The following SLC18A1 variants were observed in gnomAD, a reference collection of about 807,000 sequenced individuals.
SLC18A1 encodes the protein solute carrier family 18 member A1, also known as chromaffin granule amine transporter.
In SLC18A1, 69 loss-of-function variants were observed where a neutral mutation model predicts 53.7. That is an observed-to-expected ratio of 1.28 (90% CI 1.06 to 1.57). SLC18A1 has a LOEUF of 1.57. SLC18A1 is among the 40% of genes most tolerant of loss of function. SLC18A1 has a pLI of 0.00. For synonymous variants in SLC18A1, 320 were observed against 248.1 expected (o/e 1.29, Z -2.72); for missense variants, 932 against 668.1 (o/e 1.40, Z -4.35).
At position 20,164,875 on chromosome 8, in the gene SLC18A1, G is replaced by T; in HGVS notation, c.1009C>A (p.Gln337Lys). 6.2e-7 allele frequency: 1 copy of T among 1,608,022 alleles called. No homozygotes were observed. Among genetic ancestry groups the T allele is most frequent in the Non-Finnish European group, 8.5e-7 (1 of 1,175,280 alleles). ...GGGTGCTGAGGTCACTTACCCAGCT[G>T]CCACTTGGGGGAGCACATGGTCTGC... The part of the protein sequence containing the change: ...MMQTMCSPKW[Q>K]LGLAFLPASV... Residue 337 changes from glutamine (Q) to lysine (K), a missense_variant, in exon 10 of 16, where the codon CAG becomes AAG. Gln to Lys is a moderately conservative substitution (Grantham distance 53, BLOSUM62 1). Coordinates refer to ENST00000276373, the MANE Select transcript of SLC18A1 (RefSeq NM_003053.4).
chr8:20,166,320 TATATATATATAC>T (rs1190983698), intron 8 of SLC18A1, among the ~76,000 whole-genome samples: 2,480 of 100,006 alleles, frequency 0.025, 138 homozygotes, highest in African/African-American at 0.075. Context: ...TATATATATA[TATATATATATAC>T]ACCACCAGGT....
rs536071105 is a variant in SLC18A1 at position 20,166,018 on chromosome 8, G to A, written c.859-911C>T. On this transcript the variant is annotated intron_variant, in intron 8 of 15. Coordinates refer to ENST00000276373, the MANE Select transcript of SLC18A1 (RefSeq NM_003053.4). ...GATCCTAAAACTAAAGAGATCATTC[G>A]CTTACCCAATTATTATTCGAAGTAA... 1.6e-4 allele frequency among the ~76,000 whole-genome samples: 24 copies of A among 151,988 alleles called. No homozygotes were observed. The South Asian group carries it at 4.8e-3, about 30-fold the overall frequency.
intron 4 of SLC18A1, chr8:20,175,596 C>T (rs58116035): frequency 0.28 from 42,222 of 151,998 alleles, 6,910 homozygotes; most frequent in Non-Finnish European, 0.37. Flanking sequence ...ATTCAGGGTC[C>T]CTGACTTCCC....
chr8:20,179,894 T>G (rs1370749044), intron 2 of SLC18A1, among the ~76,000 whole-genome samples: 3 of 152,060 alleles, frequency 2.0e-5, no homozygotes, highest in Non-Finnish European at 4.4e-5. Context: ...TGTCCAGCTC[T>G]CACACAGACC....
At chr8:20,164,418 T>C (rs927437266) in intron 10 of SLC18A1, among the ~76,000 whole-genome samples, 1 of 152,148 alleles carries the variant, frequency 6.6e-6, no homozygotes, top group East Asian at 1.9e-4. Flanking sequence ...ATGGTAATGG[T>C]GCACATTAAT....
In SLC18A1 at chr8:20,179,608, A is replaced by C. The variant is rs893324941; in HGVS notation, c.125-124T>G. On this transcript the variant is annotated intron_variant, in intron 2 of 15. Transcript: ENST00000276373. ...TCAAGGAGGACAGGTGATGGGGGCT[A>C]AGGACAGATGTCATCTTACCACTAC... 3.9e-6 allele frequency: 5 copies of C among 1,282,120 alleles called. No homozygotes were observed. The African/African-American group carries it at 7.4e-5, about 19-fold the overall frequency. 79.4% of individuals were successfully genotyped at this position (1,282,120 alleles called of 1,614,324 possible). A position where few individuals can be genotyped will look rare whatever the true frequency, so the allele number is the denominator to read the frequency against.
chr8:20,173,445 G>T (rs182774915), intron 5 of SLC18A1, among the ~76,000 whole-genome samples: 1 of 152,200 alleles, frequency 6.6e-6, no homozygotes, highest in African/African-American at 2.4e-5. Context: ...CCAAAATGAG[G>T]GGTTACAGAG....
At chr8:20,156,679 T>C (rs1450544718) in intron 10 of SLC18A1, among the ~76,000 whole-genome samples, 1 of 152,174 alleles carries the variant, frequency 6.6e-6, no homozygotes, top group East Asian at 1.9e-4. Context: ...GCACACAGGA[T>C]AAACAGGATC....
intron 1 of SLC18A1, among the ~76,000 whole-genome samples, chr8:20,181,473 A>G (rs968009949): frequency 3.9e-5 from 6 of 152,046 alleles, no homozygotes; most frequent in Non-Finnish European, 8.8e-5. Flanking sequence ...ACTGCCAGGT[A>G]TGGTGGGATG....
chr8:20,179,409 C>A lies in SLC18A1; in HGVS notation c.200G>T (p.Gly67Val), dbSNP rs775810295. Reference sequence around the variant, plus strand: ...AGAGGCGAGGGCATGTGGGGAACTTCCGGCATGGCCGAGGTGCAGAGAAGA... The same window carrying A: ...AGAGGCGAGGGCATGTGGGGAACTTACGGCATGGCCGAGGTGCAGAGAAGA... ...VNSSLHLGHAGSSPHALASPA... is the reference protein window; with the variant it reads ...VNSSLHLGHAVSSPHALASPA... Residue 67 changes from glycine to valine, a missense_variant, in exon 3 of 16, where the codon GGA becomes GTA. By Grantham distance (109) the Gly-to-Val change is moderately radical. Transcript: ENST00000276373. 49 of 1,613,930 alleles carry A rather than the reference C, an allele frequency of 3.0e-5. No homozygotes were observed. The highest frequency in any genetic ancestry group is 4.1e-5 in the Non-Finnish European group (48 of 1,180,038).
chr8:20,147,461 C>G (rs2071430156), intron 14 of SLC18A1, 70 bp from the exon 15 acceptor site: 1 of 1,578,590 alleles, frequency 6.3e-7, no homozygotes, highest in Admixed American at 1.7e-5. Context: ...ACGTAGGACA[C>G]TATGCTAGGG....
Position 20,164,941 on chromosome 8 carries a change from C to G in SLC18A1, c.943G>C (p.Gly315Arg). ...AAGSICFANM[G>R]VAILEPTLPI... Reference sequence around the variant, plus strand: ...AGTGTGGGCTCCAGGATGGCCACCCCCATGTTGGCAAAGCAGATGGACCCT... The same window carrying G: ...AGTGTGGGCTCCAGGATGGCCACCCGCATGTTGGCAAAGCAGATGGACCCT... The change falls in exon 10 of 16, where the codon GGG becomes CGG. Residue 315 changes from glycine (G) to arginine (R), a missense_variant. Physicochemically the swap from Gly to Arg is moderately radical, Grantham distance 125. Coordinates refer to ENST00000276373, the MANE Select transcript of SLC18A1 (RefSeq NM_003053.4). The G allele has an allele frequency of 6.2e-7, 1 of 1,613,908 alleles. No homozygotes were observed. Among genetic ancestry groups the G allele is most frequent in the Non-Finnish European group, 8.5e-7 (1 of 1,179,868 alleles).
intron 10 of SLC18A1, among the ~76,000 whole-genome samples, chr8:20,155,848 C>T (rs528768467): frequency 6.6e-6 from 1 of 152,322 alleles, no homozygotes; most frequent in South Asian, 2.1e-4. Context: ...TGGTGTCCCT[C>T]CCAATTTAGG....
chr8:20,171,177 C>A (rs372705194), intron 7 of SLC18A1, 31 bp from the exon 8 acceptor site: 4 of 1,613,302 alleles, frequency 2.5e-6, no homozygotes, highest in Non-Finnish European at 3.4e-6. Context: ...GACAGTTCAG[C>A]GTGTCTACTG....
intron 10 of SLC18A1, among the ~76,000 whole-genome samples, chr8:20,156,841 C>T (rs375335554): frequency 6.6e-6 from 1 of 152,188 alleles, no homozygotes; most frequent in Non-Finnish European, 1.5e-5. Context: ...TTACCTACAC[C>T]CTCTCTGAAA....
intron 13 of SLC18A1, 23 bp downstream of exon 13, chr8:20,147,984 T>C: frequency 6.2e-7 from 1 of 1,612,974 alleles, no homozygotes; most frequent in South Asian, 1.1e-5. Flanking sequence ...GGGCTTATTG[T>C]TTTCTTTGAG....
intron 12 of SLC18A1, chr8:20,148,490 G>A: frequency 7.8e-7 from 1 of 1,287,276 alleles, no homozygotes; most frequent in Non-Finnish European, 1.0e-6. Flanking sequence ...TCACTGAAAG[G>A]TTTCATTTAG....
chr8:20,181,053 G>T lies in SLC18A1; in HGVS notation c.-89C>A. The T allele has an allele frequency of 6.9e-7, 1 of 1,455,634 alleles. No individual in the cohort carries two copies. The highest frequency in any genetic ancestry group is 9.2e-7 in the Non-Finnish European group (1 of 1,089,426). 90.2% of individuals were successfully genotyped at this position (1,455,634 alleles called of 1,614,324 possible). On this transcript the variant is annotated 5_prime_UTR_variant, in exon 2 of 16. Transcript: ENST00000276373. ...CAGGTCTCCTGCAGCCTTTATGGAA[G>T]AGGGGAGGGAGTCTGCCCAGACGAA...
At chr8:20,153,666 CA>C (rs56952100) in intron 10 of SLC18A1, among the ~76,000 whole-genome samples, 41,465 of 127,996 alleles carry the variant, frequency 0.32, 6,327 homozygotes, top group African/African-American at 0.45. Flanking sequence ...GACTCTGTCT[CA>C]AAAAAAAAAA....
Sources: allele counts gnomAD v4.1 joint callset (sites outside exome capture counted in the v4.1 genomes callset), GRCh38; gene constraint gnomAD v4.1.1; transcripts MANE v1.5; gene names NCBI Gene and HGNC (gene_info 2026-07-23, HGNC 2026-07-21).